Variants in SLC4A4 observed in about 807,000 individuals in gnomAD.
SLC4A4 encodes electrogenic sodium bicarbonate cotransporter 1.
In SLC4A4, 27 loss-of-function variants were observed where a neutral mutation model predicts 111.5. That is an observed-to-expected ratio of 0.24 (90% CI 0.18 to 0.33). The LOEUF (loss-of-function observed/expected upper bound fraction) is 0.33, where lower values mean the gene tolerates loss of function less well. Ranked by LOEUF, SLC4A4 falls within the 10% of genes least tolerant of loss-of-function variation. SLC4A4 has a pLI of 1.00. For missense variants in SLC4A4, 909 were observed against 1,315.5 expected (o/e 0.69, Z 4.78); for synonymous variants, 443 against 463.4 (o/e 0.96, Z 0.57).
At chr4:71,335,077 A>G (rs1230972957) in intron 3 of SLC4A4, among the ~76,000 whole-genome samples, 1 of 152,112 alleles carries the variant, frequency 6.6e-6, no homozygotes, top group Non-Finnish European at 1.5e-5. Context: ...AAGTGGAGGG[A>G]GGGAGGAAGG....
chr4:71,135,179 A>G (rs1186549028), intron 2 of SLC4A4, among the ~76,000 whole-genome samples: 1 of 152,124 alleles, frequency 6.6e-6, no homozygotes, highest in East Asian at 1.9e-4. Flanking sequence ...AAAATTGTGT[A>G]TATACATCAT....
intron 1 of SLC4A4, among the ~76,000 whole-genome samples, chr4:71,230,397 T>C (rs1719337772): frequency 6.6e-6 from 1 of 152,186 alleles, no homozygotes; most frequent in African/African-American, 2.4e-5. Flanking sequence ...CTAGCATTGG[T>C]CACTCCCCTG....
At chr4:71,424,200 C>T (rs1444312818) in intron 7 of SLC4A4, among the ~76,000 whole-genome samples, 1 of 152,062 alleles carries the variant, frequency 6.6e-6, no homozygotes, top group East Asian at 1.9e-4. Context: ...AGACACTTCT[C>T]AAAAGAAGAC....
rs1243882659 is a variant in SLC4A4 at position 71,497,506 on chromosome 4, T to G, written c.1980T>G (p.His660Gln). 1.9e-5 allele frequency: 31 copies of G among 1,613,026 alleles called. No homozygotes were observed. The highest frequency in any genetic ancestry group is 2.5e-5 in the Non-Finnish European group (30 of 1,179,388). ...TTAATGTTTTTCTTCTTCAGTACCATAATACTACCTTTGACTGGGCATTTT... is the reference window on the plus strand; with the variant it reads ...TTAATGTTTTTCTTCTTCAGTACCAGAATACTACCTTTGACTGGGCATTTT... ...LPTMSSTDMY[H>Q]NTTFDWAFLS... is the part of the protein sequence containing the mutation. The change falls in exon 16 of 26, where the codon CAT becomes CAG. Residue 660 changes from histidine (H) to glutamine (Q), a missense_variant. His to Gln is a conservative substitution (Grantham distance 24). Around this residue, in one of 7 missense-constraint regions of SLC4A4, gnomAD observed 264 missense variants for 356.8 expected, o/e 0.74. Coordinates refer to ENST00000264485, the MANE Select transcript of SLC4A4 (RefSeq NM_001098484.3).
At chr4:71,265,970 C>T (rs1202297463) in intron 3 of SLC4A4, among the ~76,000 whole-genome samples, 3 of 152,132 alleles carry the variant, frequency 2.0e-5, no homozygotes, top group Non-Finnish European at 4.4e-5. Flanking sequence ...TTTAATATAA[C>T]TTTCAATTCT....
chr4:71,375,623 T>C (rs1445444572), intron 6 of SLC4A4, among the ~76,000 whole-genome samples: 1 of 152,216 alleles, frequency 6.6e-6, no homozygotes, highest in African/African-American at 2.4e-5. Context: ...CTATAATGTA[T>C]GAGTACATGT....
intron 7 of SLC4A4, among the ~76,000 whole-genome samples, chr4:71,415,804 C>T (rs1721775228): frequency 6.6e-6 from 1 of 152,140 alleles, no homozygotes; most frequent in Non-Finnish European, 1.5e-5. Flanking sequence ...CTTCAACATT[C>T]AGTCCCACTG....
chr4:71,481,227 C>T (rs1728851026), intron 14 of SLC4A4, among the ~76,000 whole-genome samples: 1 of 151,672 alleles, frequency 6.6e-6, no homozygotes, highest in East Asian at 2.0e-4. Flanking sequence ...TCTAGTACCC[C>T]CTTCTCCACA....
At chr4:71,206,687 A>G (rs938873723) in intron 1 of SLC4A4, among the ~76,000 whole-genome samples, 1 of 152,180 alleles carries the variant, frequency 6.6e-6, no homozygotes, top group Non-Finnish European at 1.5e-5. Flanking sequence ...ACTCCGAATT[A>G]TAACTGAGGG....
intron 6 of SLC4A4, among the ~76,000 whole-genome samples, chr4:71,374,041 G>C (rs911154422): frequency 3.3e-5 from 5 of 152,120 alleles, no homozygotes; most frequent in African/African-American, 9.7e-5. Flanking sequence ...CAGATTTTTA[G>C]GTTACCCATC....
At chr4:71,132,295 A>G (rs1330831189) in intron 2 of SLC4A4, among the ~76,000 whole-genome samples, 4 of 152,150 alleles carry the variant, frequency 2.6e-5, no homozygotes, top group African/African-American at 7.2e-5. Context: ...CCTTCTCCAG[A>G]CACATGTTGA....
At chr4:71,236,311 C>A in intron 1 of SLC4A4, 1 of 1,013,444 alleles carries the variant, frequency 9.9e-7, no homozygotes, top group Non-Finnish European at 1.3e-6. Context: ...CAACATCCTG[C>A]CTACAGGATT....
chr4:71,536,458 A>ATATATATATATATATG (rs1292521858), intron 18 of SLC4A4, among the ~76,000 whole-genome samples: 1 of 16,622 alleles, frequency 6.0e-5, no homozygotes, highest in Non-Finnish European at 1.3e-4. Context: ...ACATATATAC[A>ATATATATATATATATG]TATATACATA....
intron 7 of SLC4A4, among the ~76,000 whole-genome samples, chr4:71,422,897 A>C (rs1659092356): frequency 6.6e-6 from 1 of 152,226 alleles, no homozygotes; most frequent in Admixed American, 6.5e-5. Context: ...AATGGGCAGA[A>C]ACTGGAAGCA....
intron 2 of SLC4A4, among the ~76,000 whole-genome samples, chr4:71,148,134 T>C (rs1385903865): frequency 2.0e-5 from 3 of 152,198 alleles, no homozygotes; most frequent in African/African-American, 4.8e-5. Context: ...TTATGTTCCA[T>C]CTTTCTTCTC....
intron 16 of SLC4A4, among the ~76,000 whole-genome samples, chr4:71,528,398 G>A (rs958533609): frequency 2.0e-5 from 3 of 152,008 alleles, no homozygotes; most frequent in Non-Finnish European, 4.4e-5. Context: ...TAGGAGATTT[G>A]ACAATTTTAT....
intron 1 of SLC4A4, among the ~76,000 whole-genome samples, chr4:71,069,409 T>G (rs1741611301): frequency 6.6e-6 from 1 of 152,158 alleles, no homozygotes; most frequent in South Asian, 2.1e-4. Context: ...CAAACAGACT[T>G]GAAAGACGAC....
chr4:71,146,344 T>C (rs1744170066), intron 2 of SLC4A4, among the ~76,000 whole-genome samples: 1 of 152,194 alleles, frequency 6.6e-6, no homozygotes, highest in African/African-American at 2.4e-5. Flanking sequence ...CTTTTACATT[T>C]GCTGAGGAGT....
At chr4:71,088,326 A>G (rs964952646) in intron 1 of SLC4A4, among the ~76,000 whole-genome samples, 7 of 151,620 alleles carry the variant, frequency 4.6e-5, no homozygotes, top group Admixed American at 2.0e-4. Flanking sequence ...TTTCCTGAAT[A>G]TAGCACACTG....
Sources: allele counts gnomAD v4.1 joint callset (sites outside exome capture counted in the v4.1 genomes callset), GRCh38; gene constraint gnomAD v4.1.1; regional missense constraint gnomAD v4.1.1; transcripts MANE v1.5; gene names NCBI Gene and HGNC (gene_info 2026-07-23, HGNC 2026-07-21).